RAB11FIP4: variants seen among roughly 807,000 people sequenced by gnomAD.
The protein encoded by RAB11FIP4 is RAB11 family interacting protein 4.
Under a neutral mutation model 74.3 loss-of-function variants are expected in RAB11FIP4, and 23 were observed. The observed-to-expected ratio is 0.31, with a 90% CI of 0.22 to 0.44. RAB11FIP4 has a LOEUF of 0.44. RAB11FIP4 is among the 20% of genes least tolerant of loss of function. The pLI, the probability that RAB11FIP4 is intolerant of heterozygous loss-of-function variation, is 1.00. For synonymous variants in RAB11FIP4, 360 were observed against 359.9 expected, an observed-to-expected ratio of 1.00 and a Z score of 0.00; for missense variants, 630 against 863.9, an observed-to-expected ratio of 0.73 and a Z score of 3.39.
chr17:31,499,646 C>T (rs550988497), intron 3 of RAB11FIP4, among the ~76,000 whole-genome samples: 5 of 152,258 alleles, frequency 3.3e-5, no homozygotes, highest in East Asian at 1.9e-4. Flanking sequence ...TGAGCCACCG[C>T]ACCTGGCCAC....
At chr17:31,501,938 G>A (rs926343563) in intron 3 of RAB11FIP4, among the ~76,000 whole-genome samples, 4 of 152,140 alleles carry the variant, frequency 2.6e-5, no homozygotes, top group Admixed American at 2.6e-4. Flanking sequence ...AAGTGAGCCC[G>A]GGCATAGTGG....
chr17:31,420,433 A>C (rs60864199), intron 1 of RAB11FIP4, among the ~76,000 whole-genome samples: 1 of 151,000 alleles, frequency 6.6e-6, no homozygotes, highest in East Asian at 2.0e-4. Context: ...GGGTCTTGCT[A>C]TGTTGCCCAG....
intron 1 of RAB11FIP4, among the ~76,000 whole-genome samples, chr17:31,431,216 G>C (rs1350617799): frequency 1.3e-5 from 2 of 152,222 alleles, no homozygotes; most frequent in African/African-American, 4.8e-5. Flanking sequence ...AAGCAGCATG[G>C]AAACTGTTTC....
At chr17:31,454,434 C>CA (rs1337724904) in intron 3 of RAB11FIP4, among the ~76,000 whole-genome samples, 1 of 152,058 alleles carries the variant, frequency 6.6e-6, no homozygotes, top group East Asian at 2.0e-4. Flanking sequence ...CCACCACGCC[C>CA]AACTAATTTT....
At chr17:31,413,801 C>T (rs1024967168) in intron 1 of RAB11FIP4, among the ~76,000 whole-genome samples, 2 of 152,158 alleles carry the variant, frequency 1.3e-5, no homozygotes, top group Admixed American at 1.3e-4. Context: ...CTTATCTTCC[C>T]CTACAGTGCT....
intron 3 of RAB11FIP4, among the ~76,000 whole-genome samples, chr17:31,472,178 T>A (rs1425115457): frequency 8.8e-5 from 12 of 135,926 alleles, no homozygotes; most frequent in East Asian, 2.2e-4. Flanking sequence ...AAAAAAAAAA[T>A]GCAGAGTCAC....
chr17:31,523,415 C>T lies in RAB11FIP4; in HGVS notation c.930-97C>T. The T allele has an allele frequency of 3.1e-6, 3 of 957,424 alleles. No homozygotes were observed. The South Asian group carries it at 3.9e-5, about 12-fold the overall frequency. 59.3% of individuals were successfully genotyped at this position (957,424 alleles called of 1,614,324 possible). On this transcript the variant is annotated intron_variant, in intron 7 of 14. Coordinates refer to ENST00000621161, the MANE Select transcript of RAB11FIP4 (RefSeq NM_032932.6). Reference sequence around the variant, plus strand: ...GGGCAGCCTCCTTAAAGGGGCAGACCCCCTGGGGTACTGGATGCTCGCCTA... The same window carrying T: ...GGGCAGCCTCCTTAAAGGGGCAGACTCCCTGGGGTACTGGATGCTCGCCTA...
intron 4 of RAB11FIP4, among the ~76,000 whole-genome samples, chr17:31,519,037 C>G (rs9896764): frequency 9.3e-6 from 1 of 107,790 alleles, no homozygotes; most frequent in Non-Finnish European, 1.8e-5. Flanking sequence ...TTTTTTGAGA[C>G]GGAGTCTCGC....
intron 3 of RAB11FIP4, among the ~76,000 whole-genome samples, chr17:31,511,649 AC>A (rs2072454096): frequency 6.6e-6 from 1 of 152,178 alleles, no homozygotes; most frequent in African/African-American, 2.4e-5. Flanking sequence ...GCTCAGGGAA[AC>A]GCAGGGTGCT....
chr17:31,402,406 G>T (rs2070995771), intron 1 of RAB11FIP4, among the ~76,000 whole-genome samples: 1 of 152,114 alleles, frequency 6.6e-6, no homozygotes. Flanking sequence ...ACTTTCGGGA[G>T]GGCTCAGGAG....
chr17:31,488,263 C>G, intron 3 of RAB11FIP4: 3 of 1,173,816 alleles, frequency 2.6e-6, no homozygotes. Context: ...CGCCAGCTCT[C>G]GGGAGCCAGG....
chr17:31,447,584 A>G (rs895035088), intron 3 of RAB11FIP4, among the ~76,000 whole-genome samples: 5 of 152,136 alleles, frequency 3.3e-5, no homozygotes, highest in Non-Finnish European at 7.4e-5. Context: ...GTGCAATAGT[A>G]CGATCTTGGC....
intron 3 of RAB11FIP4, among the ~76,000 whole-genome samples, chr17:31,475,764 T>C (rs1034999035): frequency 2.6e-5 from 4 of 151,550 alleles, no homozygotes; most frequent in African/African-American, 9.7e-5. Context: ...CTCTTCACGG[T>C]CTAGTTAGTG....
chr17:31,475,683 G>A (rs1312790729), intron 3 of RAB11FIP4, among the ~76,000 whole-genome samples: 2 of 152,092 alleles, frequency 1.3e-5, no homozygotes, highest in African/African-American at 4.8e-5. Context: ...CAACGTGCAT[G>A]TTCCCAGCTG....
rs59919036 is a variant in RAB11FIP4, at chr17:31,407,040, ATTTTTTTTTTTTTT to A, written c.159+15045_159+15058del. Among the ~76,000 whole-genome samples the A allele has an allele frequency of 1.3e-3, 65 of 51,220 alleles. 3 individuals carry two copies. The South Asian group carries it at 0.053, about 42-fold the overall frequency. The allele number at this position is 51,220 out of a possible 152,430, so 33.6% of individuals were successfully genotyped here. ...CACATTTGTTTTTTTGTTTCACTTG[ATTTTTTTTTTTTTT>A]TTTTTTTTTTTTTTTGAGACAAGGC... On this transcript the variant is annotated intron_variant, in intron 1 of 14. Transcript: ENST00000621161.
At chr17:31,413,350 G>A (rs571179891) in intron 1 of RAB11FIP4, among the ~76,000 whole-genome samples, 12 of 152,030 alleles carry the variant, frequency 7.9e-5, no homozygotes, top group Non-Finnish European at 1.2e-4. Context: ...AGCGAGCAGC[G>A]CCTTTCAAAC....
chr17:31,445,574 ATATATTTTTTTTTTT>A (rs2071453406), intron 3 of RAB11FIP4, among the ~76,000 whole-genome samples: 1 of 10,036 alleles, frequency 1.0e-4, no homozygotes, highest in African/African-American at 5.0e-4. Flanking sequence ...ATATATATAT[ATATATTTTTTTTTTT>A]TTTTTTTTTT....
At chr17:31,521,091 G>A in intron 4 of RAB11FIP4, 75 bp from the exon 5 acceptor site, 1 of 1,206,592 alleles carries the variant, frequency 8.3e-7, no homozygotes, top group Non-Finnish European at 1.1e-6. Flanking sequence ...GGAAATGCCT[G>A]TCAGTTTCCC....
At chr17:31,494,648 T>TAA (rs140445300) in intron 3 of RAB11FIP4, among the ~76,000 whole-genome samples, 1 of 151,190 alleles carries the variant, frequency 6.6e-6, no homozygotes, top group Non-Finnish European at 1.5e-5. Context: ...TTAATTTTTT[T>TAA]AAAAAAAAAG....
Sources: allele counts gnomAD v4.1 joint callset (sites outside exome capture counted in the v4.1 genomes callset), GRCh38; gene constraint gnomAD v4.1.1; transcripts MANE v1.5; gene names NCBI Gene and HGNC (gene_info 2026-07-23, HGNC 2026-07-21).